Variants in USP40 observed in about 807,000 individuals in gnomAD.
The protein encoded by USP40 is ubiquitin specific peptidase 40, also known as ubiquitin carboxyl-terminal hydrolase 40.
A neutral mutation model predicts 166.2 loss-of-function variants in USP40; 143 were observed. The observed-to-expected ratio is 0.86, with a 90% CI of 0.75 to 0.99. The LOEUF (loss-of-function observed/expected upper bound fraction) is 0.99, where lower values mean the gene tolerates loss of function less well. Among genes scored for constraint, USP40 ranks in the 50% least tolerant of loss-of-function variants. The probability of loss-of-function intolerance (pLI) is 0.00; values close to 1 mark genes in which losing one functional copy is unlikely to be tolerated. For missense variants in USP40, 1,444 were observed against 1,479.7 expected (o/e 0.98, Z 0.40); for synonymous variants, 498 against 524.0 (o/e 0.95, Z 0.68).
rs919478177 is a variant in USP40 at position 233,529,796 on chromosome 2, T to TTTTTTC, written c.1472-290_1472-285dup. ...AAGAACACCCAGATTTTCATCTTTT[T>TTTTTTC]TTTTTCTTTTTCTTTTTCTTTTTTT... On this transcript the variant is annotated intron_variant, in intron 11 of 31. Transcript: ENST00000678225. Among the ~76,000 whole-genome samples, 18 of 132,246 alleles carry TTTTTTC rather than the reference T, an allele frequency of 1.4e-4. 1 individual carries two copies. The highest frequency in any genetic ancestry group is 3.8e-4 in the African/African-American group (13 of 34,376). 86.8% of individuals were successfully genotyped at this position (132,246 alleles called of 152,430 possible). A position where few individuals can be genotyped will look rare whatever the true frequency, so the allele number is the denominator to read the frequency against.
chr2:233,524,663 C>T, intron 14 of USP40, 101 bp from the exon 15 acceptor site: 1 of 853,528 alleles, frequency 1.2e-6, no homozygotes, highest in Non-Finnish European at 1.7e-6. Flanking sequence ...AGTATTTTCA[C>T]TAAGGAAAAT....
Position 233,496,772 on chromosome 2 carries a change from G to C in USP40, c.2776C>G (p.Gln926Glu). 3.1e-6 allele frequency: 5 copies of C among 1,612,370 alleles called. No homozygotes were observed. The highest frequency in any genetic ancestry group is 4.2e-6 in the Non-Finnish European group (5 of 1,179,186). The stretch of plus-strand genomic sequence containing the variant: ...TAAAATCTTACCAGAGGAGGAAGTT[G>C]TCCTTCAATTAAAAGCAAAGTATCT... ...SGDTLLLIEG[Q>E]LPPLGFLKVP... Residue 926 changes from glutamine to glutamate, a missense_variant, in exon 24 of 32, where the codon CAA (glutamine) becomes GAA (glutamate). Physicochemically the swap from Gln to Glu is conservative, Grantham distance 29. Transcript: ENST00000678225.
At position 233,481,208 on chromosome 2, in the gene USP40, C is replaced by T. The variant is rs2064564610; in HGVS notation, c.3594G>A (p.Arg1198=). ...GTGCAGACCCCAGCAATTACCTTTT[C>T]CTTCTCCCCAGGGCCCGTTGTTTCT... The part of the protein sequence containing the change: ...EKQKQRALGR[R]KSQEALHEQS... The change falls in exon 31 of 32, where the codon AGG becomes AGA. Residue 1198 remains arginine, a synonymous_variant. Transcript: ENST00000678225. 3.7e-6 allele frequency: 6 copies of T among 1,602,866 alleles called. No individual in the cohort carries two copies. Among genetic ancestry groups the T allele is most frequent in the Non-Finnish European group, 5.1e-6 (6 of 1,174,004 alleles).
In USP40 at chr2:233,549,131, A is replaced by ATC. The variant is rs754822184; in HGVS notation, c.934_935dup (p.Asp312GlufsTer20). ...ACTGCCAGTTTCCCAAATGATCAAC[A>ATC]TCTTTAATATATACATGGTAATGGC... On this transcript the variant is annotated frameshift_variant, in exon 8 of 32. Transcript: ENST00000678225. LOFTEE classifies it high-confidence loss of function. 6.2e-6 allele frequency: 10 copies of ATC among 1,601,738 alleles called. No individual in the cohort carries two copies. In the Admixed American group the frequency reaches 6.9e-5, roughly 11 times the overall value.
At chr2:233,532,234 C>A (rs2068590495) in intron 11 of USP40, among the ~76,000 whole-genome samples, 1 of 152,152 alleles carries the variant, frequency 6.6e-6, no homozygotes, top group Admixed American at 6.5e-5. Context: ...TGGGTGTTGC[C>A]TGCAGCCAAT....
intron 21 of USP40, among the ~76,000 whole-genome samples, chr2:233,501,282 A>G (rs1317407239): frequency 6.6e-6 from 1 of 152,224 alleles, no homozygotes; most frequent in Non-Finnish European, 1.5e-5. Context: ...AAGCACAGTG[A>G]GTAAGAGGGG....
chr2:233,488,750 C>T (rs1385616264), intron 27 of USP40, among the ~76,000 whole-genome samples: 1 of 151,998 alleles, frequency 6.6e-6, no homozygotes, highest in African/African-American at 2.4e-5. Context: ...CTCGTCAAAA[C>T]AAAAAATTAG....
At position 233,527,543 on chromosome 2, in the gene USP40, A is replaced by T; in HGVS notation, c.1589T>A (p.Leu530Ter). Reference sequence around the variant, plus strand: ...ATACTGAGGGCCCAGGTGAAGATGCAATTCAAAAGTATTGTTTGCAGAATC... The same window carrying T: ...ATACTGAGGGCCCAGGTGAAGATGCTATTCAAAAGTATTGTTTGCAGAATC... ...ECDSANNTFE[L>*]HLHLGPQYHF... The change falls in exon 13 of 32, where the codon TTG becomes TAG. Residue 530 changes from leucine (L) to a stop codon, truncating the protein, a stop_gained. Transcript: ENST00000678225. LOFTEE classifies it high-confidence loss of function. 1.2e-6 allele frequency: 2 copies of T among 1,611,820 alleles called. No homozygotes were observed. Among genetic ancestry groups the T allele is most frequent in the Non-Finnish European group, 1.7e-6 (2 of 1,179,286 alleles).
At chr2:233,525,624 C>T (rs1395769190) in intron 13 of USP40, 62 bp from the exon 14 acceptor site, 87 of 1,273,920 alleles carry the variant, frequency 6.8e-5, no homozygotes, top group Non-Finnish European at 9.2e-5. Context: ...ATCACCTTTC[C>T]AGGTTACTGT....
intron 28 of USP40, chr2:233,487,689 T>A: frequency 4.7e-6 from 1 of 212,582 alleles, no homozygotes; most frequent in South Asian, 7.0e-5. Flanking sequence ...GGTTTGATTG[T>A]AGACAATTTT....
rs967482869 is a variant in USP40 at position 233,566,771 on chromosome 2, T to C, written c.-107A>G. On this transcript the variant is annotated 5_prime_UTR_variant, in exon 1 of 32. Coordinates refer to ENST00000678225, the MANE Select transcript of USP40 (RefSeq NM_001365479.2). ...GCGCCGCCATGTTGGCGAGGGCGGGTCTCCAGAAAGTGATTTATGGATCGT... is the reference window on the plus strand; with the variant it reads ...GCGCCGCCATGTTGGCGAGGGCGGGCCTCCAGAAAGTGATTTATGGATCGT... 1 of 985,738 alleles carries C rather than the reference T, an allele frequency of 1.0e-6. No homozygotes were observed. The highest frequency in any genetic ancestry group is 1.2e-6 in the Non-Finnish European group (1 of 829,960). The allele number at this position is 985,738 out of a possible 1,614,324, so 61.1% of individuals were successfully genotyped here. A position where few individuals can be genotyped will look rare whatever the true frequency, so the allele number is the denominator to read the frequency against.
At position 233,549,233 on chromosome 2, in the gene USP40, A is replaced by G. The variant is rs1411505254; in HGVS notation, c.838-4T>C. 1 of 1,363,108 alleles carries G rather than the reference A, an allele frequency of 7.3e-7. No individual in the cohort carries two copies. Among genetic ancestry groups the G allele is most frequent in the East Asian group, 2.4e-5 (1 of 41,048 alleles). 84.4% of individuals were successfully genotyped at this position (1,363,108 alleles called of 1,614,324 possible). ...ATTCTAAGTCATCCAATTCACTCTA[A>G]AAGAAAAAAGAACAAAAATATTGAT... On this transcript the variant is annotated splice_polypyrimidine_tract_variant and splice_region_variant and intron_variant, in intron 7 of 31. Transcript: ENST00000678225.
intron 10 of USP40, among the ~76,000 whole-genome samples, chr2:233,535,922 G>C (rs2068903140): frequency 6.6e-6 from 1 of 152,134 alleles, no homozygotes; most frequent in Non-Finnish European, 1.5e-5. Context: ...AAGTATTTGA[G>C]ATGATGGATA....
chr2:233,498,075 T>G (rs778096084), intron 23 of USP40, among the ~76,000 whole-genome samples: 2 of 152,206 alleles, frequency 1.3e-5, no homozygotes, highest in South Asian at 4.1e-4. Context: ...CCAACTCTCC[T>G]GTGATAAAAT....
At chr2:233,535,133 C>T (rs541786355) in intron 10 of USP40, among the ~76,000 whole-genome samples, 1 of 152,030 alleles carries the variant, frequency 6.6e-6, no homozygotes, top group Non-Finnish European at 1.5e-5. Context: ...CTGAGAATAC[C>T]AGAGAGGCGA....
chr2:233,499,636 C>T (rs779715291), intron 22 of USP40, among the ~76,000 whole-genome samples: 9 of 152,146 alleles, frequency 5.9e-5, no homozygotes, highest in Non-Finnish European at 1.2e-4. Context: ...CACTGTAAAA[C>T]ATTCCTACTT....
rs2071420041 is a variant in USP40, at chr2:233,559,920, CGAACCTGAATGA to C, written c.268-8_271del. 4 of 1,599,462 alleles carry C rather than the reference CGAACCTGAATGA, an allele frequency of 2.5e-6. No individual in the cohort carries two copies. Among genetic ancestry groups the C allele is most frequent in the Non-Finnish European group, 3.4e-6 (4 of 1,172,656 alleles). On this transcript the variant is annotated splice_acceptor_variant and splice_polypyrimidine_tract_variant and coding_sequence_variant and intron_variant, in exon 4 of 32. Coordinates refer to ENST00000678225, the MANE Select transcript of USP40 (RefSeq NM_001365479.2). LOFTEE classifies it high-confidence loss of function. Reference sequence around the variant, plus strand: ...GCGCTGTAACTGTAAAGGGATGATTCGAACCTGAATGAGAAACAAACACATTTCTAAATGAAT... The same window carrying C: ...GCGCTGTAACTGTAAAGGGATGATTCGAAACAAACACATTTCTAAATGAAT...
At chr2:233,562,693 T>G (rs1401717663) in intron 3 of USP40, 43 bp downstream of exon 3, 4 of 1,372,134 alleles carry the variant, frequency 2.9e-6, no homozygotes. Context: ...TGTGCACATG[T>G]ACCCTAAAAC....
intron 15 of USP40, 116 bp downstream of exon 15, chr2:233,524,376 T>C: frequency 1.3e-6 from 1 of 750,324 alleles, no homozygotes; most frequent in Non-Finnish European, 2.0e-6. Context: ...GTGATCTGCC[T>C]GCCTCGCCCT....
Sources: allele counts gnomAD v4.1 joint callset (sites outside exome capture counted in the v4.1 genomes callset), GRCh38; gene constraint gnomAD v4.1.1; transcripts MANE v1.5; gene names NCBI Gene and HGNC (gene_info 2026-07-23, HGNC 2026-07-21).